The following MBNL1 variants were observed in gnomAD, a reference collection of about 807,000 sequenced individuals.
MBNL1 encodes muscleblind-like protein 1.
Under a neutral mutation model 42.2 loss-of-function variants are expected in MBNL1, and 8 were observed. The observed-to-expected ratio is 0.19, with a 90% CI of 0.11 to 0.34. The LOEUF (loss-of-function observed/expected upper bound fraction) is 0.34. Among genes scored for constraint, MBNL1 ranks in the 10% least tolerant of loss-of-function variants. The pLI is 1.00. For synonymous variants in MBNL1, 169 were observed against 173.9 expected (o/e 0.97, Z 0.22); for missense variants, 309 against 495.3 (o/e 0.62, Z 3.57).
intron 3 of MBNL1, among the ~76,000 whole-genome samples, chr3:152,422,729 A>G (rs908756854): frequency 6.6e-6 from 1 of 152,186 alleles, no homozygotes; most frequent in African/African-American, 2.4e-5. Flanking sequence ...GTGCAAAAGA[A>G]CAGATATCAT....
At position 152,422,268 on chromosome 3, in the gene MBNL1, C is replaced by CAAAA. The variant is rs200584264; in HGVS notation, c.345+7171_345+7174dup. Among the ~76,000 whole-genome samples, 83 of 102,988 alleles carry CAAAA rather than the reference C, an allele frequency of 8.1e-4. 1 individual carries two copies. The highest frequency in any genetic ancestry group is 6.3e-3 in the South Asian group (20 of 3,162). 67.6% of individuals were successfully genotyped at this position (102,988 alleles called of 152,430 possible). ...GAATATTTACCAAGCAAATGGAAAG[C>CAAAA]AAAAAAAAAAAAAAAAAGCAGGAGT... On this transcript the variant is annotated intron_variant, in intron 3 of 9. Coordinates refer to ENST00000324210, the MANE Select transcript of MBNL1 (RefSeq NM_021038.5).
chr3:152,427,786 TAAA>T (rs200984979), intron 3 of MBNL1, among the ~76,000 whole-genome samples: 5 of 150,478 alleles, frequency 3.3e-5, no homozygotes, highest in Non-Finnish European at 5.9e-5. Context: ...ATTTAAAAAT[TAAA>T]AAAATTTTTT....
chr3:152,376,503 T>C (rs1056996088), intron 2 of MBNL1, among the ~76,000 whole-genome samples: 7 of 152,204 alleles, frequency 4.6e-5, no homozygotes, highest in African/African-American at 1.4e-4. Flanking sequence ...AGAAGCTGTT[T>C]TAGAAGTAAA....
At chr3:152,291,641 G>A (rs2056065523) in intron 1 of MBNL1, among the ~76,000 whole-genome samples, 1 of 152,202 alleles carries the variant, frequency 6.6e-6, no homozygotes, top group South Asian at 2.1e-4. Flanking sequence ...TATTAATGGA[G>A]AACTAGTGTA....
At chr3:152,386,788 A>C (rs1309253702) in intron 2 of MBNL1, among the ~76,000 whole-genome samples, 3 of 152,098 alleles carry the variant, frequency 2.0e-5, no homozygotes, top group Admixed American at 2.0e-4. Context: ...AAACACTAAA[A>C]TCCTTTTAGG....
At chr3:152,272,036 C>CTT (rs1390785463) in intron 1 of MBNL1, among the ~76,000 whole-genome samples, 11 of 109,984 alleles carry the variant, frequency 1.0e-4, no homozygotes, top group African/African-American at 4.2e-4. Context: ...TCACCTGTTT[C>CTT]TTTTCTCTCT....
intron 2 of MBNL1, among the ~76,000 whole-genome samples, chr3:152,395,540 C>T (rs1382576441): frequency 6.6e-6 from 1 of 152,192 alleles, no homozygotes; most frequent in Non-Finnish European, 1.5e-5. Context: ...TCCTATATAA[C>T]CAGACAATCA....
At chr3:152,342,624 T>C (rs2093546947) in intron 2 of MBNL1, among the ~76,000 whole-genome samples, 1 of 149,402 alleles carries the variant, frequency 6.7e-6, no homozygotes, top group African/African-American at 2.5e-5. Flanking sequence ...GCAAAACTCG[T>C]GCTCTTTCTG....
chr3:152,396,461 C>G (rs1250331022), intron 2 of MBNL1, among the ~76,000 whole-genome samples: 2 of 152,038 alleles, frequency 1.3e-5, no homozygotes, highest in African/African-American at 2.4e-5. Context: ...ACTGTGTGAT[C>G]TTAGGCAAAT....
At chr3:152,451,064 T>C (rs888479546) in intron 6 of MBNL1, among the ~76,000 whole-genome samples, 1 of 152,236 alleles carries the variant, frequency 6.6e-6, no homozygotes, top group Admixed American at 6.5e-5. Flanking sequence ...AGGTACACTT[T>C]TGAAGGCTTT....
At chr3:152,256,265 T>C (rs1411964489) in intron 2 of MBNL1, among the ~76,000 whole-genome samples, 1 of 152,210 alleles carries the variant, frequency 6.6e-6, no homozygotes, top group Non-Finnish European at 1.5e-5. Flanking sequence ...TATTTAAATT[T>C]GTAAACTCAA....
upstream of MBNL1, chr3:152,264,207 G>A (rs958005270): frequency 3.3e-5 from 5 of 152,190 alleles, no homozygotes; most frequent in Admixed American, 6.5e-5. Context: ...TTTGAGGGAA[G>A]TGATTTATCT....
chr3:152,323,398 A>G (rs995094448), intron 2 of MBNL1, among the ~76,000 whole-genome samples: 2 of 152,122 alleles, frequency 1.3e-5, no homozygotes, highest in Non-Finnish European at 2.9e-5. Flanking sequence ...TCCCTTTTAT[A>G]TAAATATATC....
intron 2 of MBNL1, among the ~76,000 whole-genome samples, chr3:152,363,594 A>G (rs1198828521): frequency 5.3e-5 from 8 of 152,182 alleles, no homozygotes; most frequent in Non-Finnish European, 1.2e-4. Context: ...TTCTTTGGTA[A>G]TCACTTACCA....
intron 3 of MBNL1, among the ~76,000 whole-genome samples, chr3:152,424,649 C>G (rs570417097): frequency 6.6e-6 from 1 of 151,784 alleles, no homozygotes; most frequent in Admixed American, 6.6e-5. Context: ...AAGAACAAAG[C>G]TGGAGGCATC....
At chr3:152,309,635 T>C (rs1330319810) in intron 2 of MBNL1, among the ~76,000 whole-genome samples, 1 of 152,180 alleles carries the variant, frequency 6.6e-6, no homozygotes, top group African/African-American at 2.4e-5. Context: ...AGGAAGCTTT[T>C]CTATCATTTT....
intron 2 of MBNL1, among the ~76,000 whole-genome samples, chr3:152,382,685 A>G (rs538632815): frequency 2.5e-4 from 38 of 152,232 alleles, no homozygotes; most frequent in Admixed American, 1.2e-3. Flanking sequence ...GGCAGAATAT[A>G]AAAAGGAGTT....
At position 152,268,952 on chromosome 3, in the gene MBNL1, A is replaced by G. The variant is rs756399204; in HGVS notation, c.-930A>G. On this transcript the variant is annotated 5_prime_UTR_variant, in exon 1 of 10. Transcript: ENST00000324210. ...ACAGTCTTTTCACTGCAGCTGAATG[A>G]GTTGTGGCGCCCACAATGCTCCCAT... The G allele has an allele frequency of 6.6e-6, 3 of 456,148 alleles. No individual in the cohort carries two copies. Among genetic ancestry groups the G allele is most frequent in the South Asian group, 4.6e-5 (3 of 64,568 alleles). The allele number at this position is 456,148 out of a possible 1,614,324, so 28.3% of individuals were successfully genotyped here. A position where few individuals can be genotyped will look rare whatever the true frequency, so the allele number is the denominator to read the frequency against.
At chr3:152,248,894 T>C (rs1288291061) in intron 2 of MBNL1, among the ~76,000 whole-genome samples, 2 of 152,064 alleles carry the variant, frequency 1.3e-5, no homozygotes, top group African/African-American at 4.8e-5. Flanking sequence ...TGCGATAGTT[T>C]ACTGAGAATG....
Sources: gnomAD v4.1 joint callset for allele counts (sites outside exome capture counted in the v4.1 genomes callset) on GRCh38, gnomAD v4.1.1 for gene constraint, MANE v1.5 for transcripts, NCBI Gene and HGNC (gene_info 2026-07-23, HGNC 2026-07-21) for gene names.